The following C11orf24 variants were observed in gnomAD, a reference collection of about 807,000 sequenced individuals.
C11orf24 encodes uncharacterized protein C11orf24.
Under a neutral mutation model 7.3 loss-of-function variants are expected in C11orf24, and 5 were observed. The ratio of observed to expected loss-of-function variants is 0.69; its 90% confidence interval spans 0.36 to 1.45. The LOEUF (loss-of-function observed/expected upper bound fraction) is 1.45, where lower values mean the gene tolerates loss of function less well. Among genes scored for constraint, C11orf24 ranks in the 40% most tolerant of loss-of-function variants. C11orf24 has a pLI of 0.03. For synonymous variants in C11orf24, 233 were observed against 235.7 expected (o/e 0.99, Z 0.11); for missense variants, 566 against 590.5 (o/e 0.96, Z 0.43).
chr11:68,264,200 G>T (rs2098563385), intron 2 of C11orf24, among the ~76,000 whole-genome samples: 1 of 152,068 alleles, frequency 6.6e-6, no homozygotes, highest in Non-Finnish European at 1.5e-5. Flanking sequence ...TCATCACCAA[G>T]ACTGGTCAAG....
chr11:68,271,939 C>A lies in C11orf24; in HGVS notation c.-380G>T, dbSNP rs2098568343. 1 of 152,188 alleles carries A rather than the reference C, an allele frequency of 6.6e-6. No homozygotes were observed. The highest frequency in any genetic ancestry group is 1.5e-5 in the Non-Finnish European group (1 of 68,046). 9.4% of individuals were successfully genotyped at this position (152,188 alleles called of 1,614,324 possible). A position where few individuals can be genotyped will look rare whatever the true frequency, so the allele number is the denominator to read the frequency against. On this transcript the variant is annotated 5_prime_UTR_variant, in exon 1 of 4. Transcript: ENST00000304271. ...AGGCCCGGCGCGGGGACGTGGCCGG[C>A]AGCGCAACCCAGGCAGCTCCGGGCA...
intron 2 of C11orf24, chr11:68,267,184 C>T (rs1480062139): frequency 6.6e-6 from 1 of 152,232 alleles, no homozygotes; most frequent in Non-Finnish European, 1.5e-5. Flanking sequence ...GTTTGCTAGC[C>T]CCTGCTTTAG....
chr11:68,269,911 G>T (rs1430228457), intron 1 of C11orf24, among the ~76,000 whole-genome samples: 1 of 152,210 alleles, frequency 6.6e-6, no homozygotes, highest in Non-Finnish European at 1.5e-5. Flanking sequence ...TATTCTAAAT[G>T]TCAAGATCCC....
Position 68,261,871 on chromosome 11 carries a change from G to C in C11orf24, c.1124C>G (p.Ser375Trp). 6.2e-7 allele frequency: 1 copy of C among 1,614,084 alleles called. No homozygotes were observed. The highest frequency in any genetic ancestry group is 1.6e-4 in the Middle Eastern group (1 of 6,062). Reference sequence around the variant, plus strand: ...CTGGCCTTGGGTGCTGGGCTGGCACGAGTCCGTGGCTGGCATCTTAGTGCC... The same window carrying C: ...CTGGCCTTGGGTGCTGGGCTGGCACCAGTCCGTGGCTGGCATCTTAGTGCC... ...SGGTKMPATD[S>W]CQPSTQGQYM... Residue 375 changes from serine (S) to tryptophan (W), a missense_variant, in exon 4 of 4, where the codon TCG becomes TGG. Transcript: ENST00000304271.
chr11:68,271,971 C>G lies in C11orf24; in HGVS notation c.-412G>C, dbSNP rs1006409841. 6.6e-6 allele frequency: 1 copy of G among 152,172 alleles called. No homozygotes were observed. The highest frequency in any genetic ancestry group is 1.5e-5 in the Non-Finnish European group (1 of 68,036). The allele number at this position is 152,172 out of a possible 1,614,324, so 9.4% of individuals were successfully genotyped here. Reference sequence around the variant, plus strand: ...ACCCAGGCAGCTCCGGGCAGCGCGCCCTGCCCGGGCCCCGCCCAAACGCCG... The same window carrying G: ...ACCCAGGCAGCTCCGGGCAGCGCGCGCTGCCCGGGCCCCGCCCAAACGCCG... On this transcript the variant is annotated 5_prime_UTR_variant, in exon 1 of 4. Coordinates refer to ENST00000304271, the MANE Select transcript of C11orf24 (RefSeq NM_022338.4).
At chr11:68,266,437 G>C (rs887631894) in intron 2 of C11orf24, among the ~76,000 whole-genome samples, 1 of 152,202 alleles carries the variant, frequency 6.6e-6, no homozygotes, top group African/African-American at 2.4e-5. Context: ...TGTGTTCCAC[G>C]AGACTTCCGG....
intron 2 of C11orf24, chr11:68,266,953 C>T (rs1402295175): frequency 6.6e-6 from 1 of 152,184 alleles, no homozygotes; most frequent in Admixed American, 6.6e-5. Flanking sequence ...TCTGCTGCCC[C>T]CTCACTACAA....
chr11:68,263,713 G>A lies in C11orf24; in HGVS notation c.55C>T (p.His19Tyr). ...WIFSLSLSES[H>Y]AASNDPRNFV... ...TTACGTGGATCGTTGGATGCCGCAT[G>A]GCTTTCAGATAAGGACAAGGAGAAA... The change falls in exon 3 of 4, where the codon CAT (histidine) becomes TAT (tyrosine). Residue 19 changes from histidine to tyrosine, a missense_variant. Physicochemically the swap from His to Tyr is moderately conservative, Grantham distance 83. Transcript: ENST00000304271. 1 of 1,613,654 alleles carries A rather than the reference G, an allele frequency of 6.2e-7. No homozygotes were observed. Among genetic ancestry groups the A allele is most frequent in the South Asian group, 1.1e-5 (1 of 91,078 alleles).
rs1591130195 is a variant in C11orf24, at chr11:68,261,932, T to C, written c.1063A>G (p.Thr355Ala). 1 of 1,613,912 alleles carries C rather than the reference T, an allele frequency of 6.2e-7. No homozygotes were observed. Residue 355 changes from threonine to alanine, a missense_variant, in exon 4 of 4, where the codon ACT (threonine) becomes GCT (alanine). Physicochemically the swap from Thr to Ala is moderately conservative, Grantham distance 58. Transcript: ENST00000304271. ...CTGGGTGTTGGCCCAGTGGAATCAG[T>C]ACCTGGTGTGGCTTCAGTCTCTACC... ...EQVETEATPG[T>A]DSTGPTPRSS...
rs1381567987 is a variant in C11orf24, at chr11:68,262,150, G to T, written c.845C>A (p.Pro282Gln). 1 of 1,613,962 alleles carries T rather than the reference G, an allele frequency of 6.2e-7. No individual in the cohort carries two copies. The highest frequency in any genetic ancestry group is 8.5e-7 in the Non-Finnish European group (1 of 1,180,008). ...CACTGTGGGGGTGGGGGCGGGCTCT[G>T]GGGTTGTGTTTGAGGGCATGGGTGT... ...KSTPMPSNTTPEPAPTPTVVT... is the reference protein window; with the variant it reads ...KSTPMPSNTTQEPAPTPTVVT... Residue 282 changes from proline (P) to glutamine (Q), a missense_variant, in exon 4 of 4, where the codon CCA (proline) becomes CAA (glutamine). Coordinates refer to ENST00000304271, the MANE Select transcript of C11orf24 (RefSeq NM_022338.4).
rs768402406 is a variant in C11orf24 at position 68,262,399 on chromosome 11, C to T, written c.596G>A (p.Ser199Asn). 41 of 1,614,068 alleles carry T rather than the reference C, an allele frequency of 2.5e-5. No individual in the cohort carries two copies. Among genetic ancestry groups the T allele is most frequent in the African/African-American group, 5.3e-5 (4 of 74,906 alleles). ...STALAQVPKS[S>N]ALPRTATLAT... Reference sequence around the variant, plus strand: ...CAGGGTTGCTGTTCTTGGCAACGCGCTGCTCTTTGGCACTTGTGCGAGGGC... The same window carrying T: ...CAGGGTTGCTGTTCTTGGCAACGCGTTGCTCTTTGGCACTTGTGCGAGGGC... The change falls in exon 4 of 4, where the codon AGC (serine) becomes AAC (asparagine). Residue 199 changes from serine (S) to asparagine (N), a missense_variant. Transcript: ENST00000304271.
chr11:68,264,931 G>T (rs1204348996), intron 2 of C11orf24, among the ~76,000 whole-genome samples: 1 of 151,850 alleles, frequency 6.6e-6, no homozygotes, highest in Non-Finnish European at 1.5e-5. Context: ...GGCAGGCCTT[G>T]AAGAGTGAGG....
rs2098562068 is a variant in C11orf24 at position 68,262,113 on chromosome 11, G to T, written c.882C>A (p.Thr294=). 1.2e-6 allele frequency: 2 copies of T among 1,613,870 alleles called. No homozygotes were observed. The highest frequency in any genetic ancestry group is 1.7e-6 in the Non-Finnish European group (2 of 1,179,994). The part of the protein sequence containing the change: ...PAPTPTVVTT[T]KAQAREPTAS... ...CAGTTGGCTCCCTGGCTTGTGCCTT[G>T]GTGGTGGTCACCACTGTGGGGGTGG... The change falls in exon 4 of 4, where the codon ACC becomes ACA. Residue 294 remains threonine, a synonymous_variant. Coordinates refer to ENST00000304271, the MANE Select transcript of C11orf24 (RefSeq NM_022338.4).
At chr11:68,269,960 G>A (rs1008122228) in intron 1 of C11orf24, among the ~76,000 whole-genome samples, 4 of 152,230 alleles carry the variant, frequency 2.6e-5, no homozygotes, top group Non-Finnish European at 4.4e-5. Context: ...GTTGACTCAT[G>A]ATGGACAAAC....
At chr11:68,266,041 G>C (rs2098564894) in intron 2 of C11orf24, among the ~76,000 whole-genome samples, 1 of 152,176 alleles carries the variant, frequency 6.6e-6, no homozygotes, top group Non-Finnish European at 1.5e-5. Flanking sequence ...TCATTCCCTT[G>C]AGGAAGCTAC....
chr11:68,263,691 C>A lies in C11orf24; in HGVS notation c.76+1G>T. 6.2e-7 allele frequency: 1 copy of A among 1,613,178 alleles called. No homozygotes were observed. Among genetic ancestry groups the A allele is most frequent in the Non-Finnish European group, 8.5e-7 (1 of 1,179,702 alleles). On this transcript the variant is annotated splice_donor_variant, in intron 3 of 3. Coordinates refer to ENST00000304271, the MANE Select transcript of C11orf24 (RefSeq NM_022338.4). LOFTEE classifies it high-confidence loss of function. The stretch of plus-strand genomic sequence containing the variant: ...AGCAGTCACACAGCTTTCTCACTTA[C>A]GTGGATCGTTGGATGCCGCATGGCT...
chr11:68,261,886 A>G lies in C11orf24; in HGVS notation c.1109T>C (p.Met370Thr). Reference sequence around the variant, plus strand: ...GGGCTGGCACGAGTCCGTGGCTGGCATCTTAGTGCCCCCTGAGCTCCTGGG... The same window carrying G: ...GGGCTGGCACGAGTCCGTGGCTGGCGTCTTAGTGCCCCCTGAGCTCCTGGG... ...PTPRSSGGTK[M>T]PATDSCQPST... The change falls in exon 4 of 4, where the codon ATG becomes ACG. Residue 370 changes from methionine (M) to threonine (T), a missense_variant. By Grantham distance (81) the Met-to-Thr change is moderately conservative. Coordinates refer to ENST00000304271, the MANE Select transcript of C11orf24 (RefSeq NM_022338.4). The G allele has an allele frequency of 8.1e-6, 13 of 1,614,020 alleles. No individual in the cohort carries two copies. Among genetic ancestry groups the G allele is most frequent in the Non-Finnish European group, 1.1e-5 (13 of 1,180,042 alleles).
In C11orf24 at chr11:68,262,412, C is replaced by T; in HGVS notation, c.583G>A (p.Val195Met). 1 of 1,614,174 alleles carries T rather than the reference C, an allele frequency of 6.2e-7. No homozygotes were observed. The highest frequency in any genetic ancestry group is 8.5e-7 in the Non-Finnish European group (1 of 1,180,034). The change falls in exon 4 of 4, where the codon GTG becomes ATG. Residue 195 changes from valine to methionine, a missense_variant. Coordinates refer to ENST00000304271, the MANE Select transcript of C11orf24 (RefSeq NM_022338.4). The stretch of plus-strand genomic sequence containing the variant: ...CTTGGCAACGCGCTGCTCTTTGGCA[C>T]TTGTGCGAGGGCTGTGCTGAGAGAT... Reference protein sequence around the residue: ...HPSLSTALAQVPKSSALPRTA... With the variant: ...HPSLSTALAQMPKSSALPRTA...
chr11:68,262,764 C>T lies in C11orf24; in HGVS notation c.231G>A (p.Met77Ile). 6.2e-7 allele frequency: 1 copy of T among 1,614,122 alleles called. No homozygotes were observed. ...KGTSAAHLNS[M>I]EVTTEDTSRT... The stretch of plus-strand genomic sequence containing the variant: ...TGCTTGTGTCCTCTGTTGTGACTTC[C>T]ATAGAGTTGAGGTGGGCTGCCGAAG... Residue 77 changes from methionine (M) to isoleucine (I), a missense_variant, in exon 4 of 4, where the codon ATG becomes ATA. Coordinates refer to ENST00000304271, the MANE Select transcript of C11orf24 (RefSeq NM_022338.4).
Sources: gnomAD v4.1 joint callset for allele counts (sites outside exome capture counted in the v4.1 genomes callset) on GRCh38, gnomAD v4.1.1 for gene constraint, MANE v1.5 for transcripts, NCBI Gene and HGNC (gene_info 2026-07-23, HGNC 2026-07-21) for gene names.